The following AZIN2 variants were observed in gnomAD, a reference collection of about 807,000 sequenced individuals.
The protein encoded by AZIN2 is antizyme inhibitor 2, also known as ODC antizyme inhibitor-2.
A neutral mutation model predicts 47.8 loss-of-function variants in AZIN2; 28 were observed. The ratio of observed to expected loss-of-function variants is 0.59; its 90% CI spans 0.43 to 0.80. The LOEUF is 0.80. Ranked by LOEUF, AZIN2 falls within the 30% of genes least tolerant of loss-of-function variation. The probability of loss-of-function intolerance (pLI) is 0.00; values close to 1 mark genes in which losing one functional copy is unlikely to be tolerated. For synonymous variants in AZIN2, 221 were observed against 239.4 expected (o/e 0.92, Z 0.71); for missense variants, 535 against 582.5 (o/e 0.92, Z 0.84).
downstream of AZIN2, among the ~76,000 whole-genome samples, chr1:33,127,402 G>A (rs374878273): frequency 3.2e-4 from 48 of 152,376 alleles, no homozygotes; most frequent in African/African-American, 9.9e-4. Context: ...TTACCAAACG[G>A]TGAGAAGGAA....
chr1:33,141,837 A>T, the AZIN2 span: 5 of 153,788 alleles, frequency 3.3e-5, no homozygotes, highest in Non-Finnish European at 4.0e-5. Context: ...CCTGGAACTT[A>T]AAAAAAAATA....
rs556250207 is a variant in AZIN2 at position 33,083,549 on chromosome 1, G to A, written c.106-405G>A. ...CATATGCAGTTCTGATACCTTGGAAGCATATGCAAATGCAGTGGGAGCATT... is the reference window on the plus strand; with the variant it reads ...CATATGCAGTTCTGATACCTTGGAAACATATGCAAATGCAGTGGGAGCATT... On this transcript the variant is annotated intron_variant, in intron 4 of 11. Transcript: ENST00000294517. 1.6e-3 allele frequency: 493 copies of A among 316,618 alleles called. 7 individuals carry two copies. Among genetic ancestry groups the A allele is most frequent in the South Asian group, 0.013 (450 of 33,990 alleles). 19.6% of individuals were successfully genotyped at this position (316,618 alleles called of 1,614,324 possible).
rs56408378 is a variant in AZIN2, at chr1:33,087,054, C to T, written c.279+2927C>T. Among the ~76,000 whole-genome samples the T allele has an allele frequency of 9.4e-3, 1,432 of 152,204 alleles. 22 individuals are homozygous for T. Among genetic ancestry groups the T allele is most frequent in the African/African-American group, 0.032 (1,329 of 41,512 alleles). The stretch of plus-strand genomic sequence containing the variant: ...AATACATGCAAATAACACATTGATT[C>T]ATTCACCCCAAAAGAAACTAGGACA... On this transcript the variant is annotated intron_variant, in intron 5 of 11. Coordinates refer to ENST00000294517, the MANE Select transcript of AZIN2 (RefSeq NM_052998.4).
chr1:33,166,605 A>G, the AZIN2 span, among the ~76,000 whole-genome samples: 7 of 152,214 alleles, frequency 4.6e-5, no homozygotes, highest in African/African-American at 1.4e-4. Flanking sequence ...AGGTCAAGAA[A>G]CTGGCCCCAT....
In AZIN2 at chr1:33,081,764, CT is replaced by C. The variant is rs1641281038; in HGVS notation, c.-119del. 4.5e-6 allele frequency: 1 copy of C among 222,900 alleles called. No individual in the cohort carries two copies. The highest frequency in any genetic ancestry group is 2.4e-5 in the African/African-American group (1 of 42,136). The allele number at this position is 222,900 out of a possible 1,614,324, so 13.8% of individuals were successfully genotyped here. A position where few individuals can be genotyped will look rare whatever the true frequency, so the allele number is the denominator to read the frequency against. ...TAGAGAGCGGACTCGAACTTAAGCTCTTGCTCTTAGGCTGAGACGCCTTGAT... is the reference window on the plus strand; with the variant it reads ...TAGAGAGCGGACTCGAACTTAAGCTCTGCTCTTAGGCTGAGACGCCTTGAT... On this transcript the variant is annotated 5_prime_UTR_variant, in exon 3 of 12. Coordinates refer to ENST00000294517, the MANE Select transcript of AZIN2 (RefSeq NM_052998.4). The surrounding 1 kb of genome is among the most constrained non-coding windows in gnomAD (Gnocchi z 4.2).
downstream of AZIN2, among the ~76,000 whole-genome samples, chr1:33,127,799 A>C (rs1489992859): frequency 6.6e-6 from 1 of 152,216 alleles, no homozygotes; most frequent in Non-Finnish European, 1.5e-5. Flanking sequence ...CTCTAGGCCA[A>C]GGAGTTTTAC....
intron 9 of AZIN2, among the ~76,000 whole-genome samples, chr1:33,097,738 G>A (rs1643308076): frequency 6.6e-6 from 1 of 152,136 alleles, no homozygotes; most frequent in African/African-American, 2.4e-5. Context: ...GCCCTATCAT[G>A]TGCCTCTGAG....
At chr1:33,142,203 G>A in the AZIN2 span, 1 of 152,408 alleles carries the variant, frequency 6.6e-6, no homozygotes, top group African/African-American at 2.4e-5. Context: ...GTGCTTTGGG[G>A]TGGTGAACAG....
At chr1:33,134,163 G>A in the AZIN2 span, among the ~76,000 whole-genome samples, 345 of 152,344 alleles carry the variant, frequency 2.3e-3, no homozygotes, top group African/African-American at 7.8e-3. Flanking sequence ...GCCCAGCCCC[G>A]TAAGACACCA....
intron 10 of AZIN2, chr1:33,101,940 A>G (rs771320837): frequency 1.3e-6 from 1 of 767,574 alleles, no homozygotes; most frequent in Non-Finnish European, 2.4e-6. Flanking sequence ...TTCTCCTCTC[A>G]AGGCATTTGG....
chr1:33,103,436 C>G (rs149300440), intron 10 of AZIN2, among the ~76,000 whole-genome samples: 2 of 152,128 alleles, frequency 1.3e-5, no homozygotes, highest in Non-Finnish European at 2.9e-5. Context: ...TCCACTCACC[C>G]CTGAGACAGC....
At chr1:33,160,069 G>A in the AZIN2 span, 1 of 1,244,142 alleles carries the variant, frequency 8.0e-7, no homozygotes, top group Non-Finnish European at 1.1e-6. Context: ...CGCGTGGTGG[G>A]GGAAATGTCA....
chr1:33,137,986 T>G, the AZIN2 span, among the ~76,000 whole-genome samples: 24 of 152,146 alleles, frequency 1.6e-4, no homozygotes, highest in African/African-American at 5.6e-4. Context: ...AGGGGTGGGC[T>G]TCTACTTACT....
the AZIN2 span, among the ~76,000 whole-genome samples, chr1:33,135,593 G>C: frequency 6.6e-6 from 1 of 152,316 alleles, no homozygotes; most frequent in East Asian, 1.9e-4. Context: ...TGGATCCTCA[G>C]CCACACAGCC....
At chr1:33,136,022 C>T in the AZIN2 span, among the ~76,000 whole-genome samples, 2 of 151,408 alleles carry the variant, frequency 1.3e-5, no homozygotes, top group Non-Finnish European at 1.5e-5. Flanking sequence ...GGAAGGTGGA[C>T]CCAAGCTTGT....
intron 4 of AZIN2, chr1:33,082,631 C>T: frequency 3.1e-6 from 1 of 326,972 alleles, no homozygotes; most frequent in South Asian, 3.8e-5. Flanking sequence ...TAGGCATTAC[C>T]AAGCTCTGTG....
the AZIN2 span, among the ~76,000 whole-genome samples, chr1:33,155,628 G>A: frequency 7.9e-5 from 12 of 152,244 alleles, no homozygotes; most frequent in Admixed American, 2.0e-4. Context: ...TTTCCAAGTC[G>A]TGACCAAGGA....
chr1:33,123,715 T>C (rs607355), downstream of AZIN2, among the ~76,000 whole-genome samples: 9,796 of 151,872 alleles, frequency 0.065, 893 homozygotes, highest in African/African-American at 0.2. Flanking sequence ...ATACAAAAAA[T>C]TGGCAAGGAG....
Position 33,098,099 on chromosome 1 carries a change from T to C in AZIN2, c.949T>C (p.Tyr317His). 1 of 1,614,170 alleles carries C rather than the reference T, an allele frequency of 6.2e-7. No individual in the cohort carries two copies. Among genetic ancestry groups the C allele is most frequent in the Non-Finnish European group, 8.5e-7 (1 of 1,180,028 alleles). ...ENGSTSKTIV[Y>H]HLDEGVYGIF... ...TGGTTCCACCTCCAAGACCATCGTGTACCACCTTGATGAGGGCGTGTATGG... is the reference window on the plus strand; with the variant it reads ...TGGTTCCACCTCCAAGACCATCGTGCACCACCTTGATGAGGGCGTGTATGG... The change falls in exon 10 of 12, where the codon TAC (tyrosine) becomes CAC (histidine). Residue 317 changes from tyrosine (Y) to histidine (H), a missense_variant. Tyr to His is a moderately conservative substitution (Grantham distance 83). Transcript: ENST00000294517.
Sources: gnomAD v4.1 joint callset for allele counts (sites outside exome capture counted in the v4.1 genomes callset) on GRCh38, gnomAD v4.1.1 for gene constraint, Gnocchi (gnomAD v3.1) non-coding constraint, MANE v1.5 for transcripts, NCBI Gene and HGNC (gene_info 2026-07-23, HGNC 2026-07-21) for gene names.